Variants in ATRX observed in about 807,000 individuals in gnomAD.
ATRX encodes chromatin remodeler ATRX.
In ATRX, 12 loss-of-function variants were observed where a neutral mutation model predicts 172.6. That is an observed-to-expected ratio of 0.07 (90% CI 0.04 to 0.11). The LOEUF is 0.11. Ranked by LOEUF, ATRX falls within the 10% of genes least tolerant of loss-of-function variation. The pLI, the probability that ATRX is intolerant of heterozygous loss-of-function variation, is 1.00. For synonymous variants in ATRX, 674 were observed against 594.7 expected (o/e 1.13, Z -1.94); for missense variants, 1,368 against 1,767.4 (o/e 0.77, Z 4.05).
rs1396127570 is a variant in ATRX at position 77,766,427 on chromosome X, G to T, written c.20+19555C>A. On this transcript the variant is annotated intron_variant, in intron 1 of 34. Coordinates refer to ENST00000373344, the MANE Select transcript of ATRX (RefSeq NM_000489.6). ...GAGGGGCTCCTCACTTCTCAGACGGGGCGGCTGCCAGGCGGAGGGGCTCCT... is the reference window on the plus strand; with the variant it reads ...GAGGGGCTCCTCACTTCTCAGACGGTGCGGCTGCCAGGCGGAGGGGCTCCT... Among the ~76,000 whole-genome samples, 7 of 109,482 alleles carry T rather than the reference G, an allele frequency of 6.4e-5. No homozygotes were observed. In the South Asian group the frequency reaches 2.8e-3, roughly 44 times the overall value.
intron 2 of ATRX, among the ~76,000 whole-genome samples, chrX:77,713,626 T>C (rs986470155): frequency 3.6e-5 from 4 of 111,583 alleles, no homozygotes; most frequent in Non-Finnish European, 5.6e-5. Context: ...AGAATATTCA[T>C]GGAAAAAATT....
Position 77,716,110 on chromosome X carries a change from ATTTTTTTTTTTTTTTTTT to A in ATRX, c.133+1003_133+1020del, listed in dbSNP as rs199639051. On this transcript the variant is annotated intron_variant, in intron 2 of 34. Transcript: ENST00000373344. ...ACATAGCAAGACCATGTCTCTAAAA[ATTTTTTTTTTTTTTTTTT>A]TTTTTTTTTTTTTTTTTGAAATTAA... is the stretch of plus-strand genomic sequence containing the variant. Among the ~76,000 whole-genome samples the A allele has an allele frequency of 2.0e-4, 11 of 54,393 alleles. No homozygotes were observed. The East Asian group carries it at 3.2e-3, about 16-fold the overall frequency. The allele number at this position is 54,393 out of a possible 115,157, so 47.2% of individuals were successfully genotyped here.
At chrX:77,510,036 T>TTGAGG (rs2062819720) in intron 34 of ATRX, among the ~76,000 whole-genome samples, 1 of 110,526 alleles carries the variant, frequency 9.0e-6, no homozygotes, top group Non-Finnish European at 1.9e-5. Flanking sequence ...TTCCTTTTGC[T>TTGAGG]TGAGGTGAGG....
In ATRX at chrX:77,521,397, G is replaced by T; in HGVS notation, c.7071+6C>A. On this transcript the variant is annotated splice_donor_region_variant and intron_variant, in intron 33 of 34. Transcript: ENST00000373344. ...GTTGGAATAAGACAATTGCCAATTA[G>T]CTTACTACAGCTGAAATTATATCCT... The T allele has an allele frequency of 8.4e-7, 1 of 1,195,681 alleles. No homozygotes were observed. Among genetic ancestry groups the T allele is most frequent in the Admixed American group, 2.2e-5 (1 of 45,891 alleles).
At chrX:77,545,308 G>C (rs1322558361) in intron 30 of ATRX, among the ~76,000 whole-genome samples, 1 of 111,958 alleles carries the variant, frequency 8.9e-6, no homozygotes, top group Non-Finnish European at 1.9e-5. Context: ...CAACTCTGCA[G>C]AAACTATAGA....
At chrX:77,639,770 T>C (rs182866887) in intron 15 of ATRX, among the ~76,000 whole-genome samples, 2 of 112,023 alleles carry the variant, frequency 1.8e-5, no homozygotes, top group East Asian at 5.6e-4. Context: ...AGTGACTAAG[T>C]AGATGTGTTT....
rs2148635383 is a variant in ATRX at position 77,684,367 on chromosome X, T to C, written c.889A>G (p.Lys297Glu). 8.3e-7 allele frequency: 1 copy of C among 1,210,233 alleles called. No homozygotes were observed. Among genetic ancestry groups the C allele is most frequent in the Non-Finnish European group, 1.1e-6 (1 of 893,931 alleles). ...LEQLLQQNKKKIKVDSEKSNK... is the reference protein window; with the variant it reads ...LEQLLQQNKKEIKVDSEKSNK... ...CTCTTTTCACTGTCAACTTTTATCTTCTTCTTATTTTGCTGCAACAACTGT... is the reference window on the plus strand; with the variant it reads ...CTCTTTTCACTGTCAACTTTTATCTCCTTCTTATTTTGCTGCAACAACTGT... Residue 297 changes from lysine (K) to glutamate (E), a missense_variant, in exon 9 of 35, where the codon AAG becomes GAG. Transcript: ENST00000373344.
intron 1 of ATRX, among the ~76,000 whole-genome samples, chrX:77,754,784 A>C: frequency 9.1e-6 from 1 of 110,465 alleles, no homozygotes; most frequent in African/African-American, 3.3e-5. Context: ...CTTCATTTCA[A>C]CCTTGGAGAA....
chrX:77,515,050 C>G (rs782097761), intron 34 of ATRX, among the ~76,000 whole-genome samples: 4 of 111,505 alleles, frequency 3.6e-5, no homozygotes, highest in Non-Finnish European at 7.5e-5. Context: ...AAATCAAAAC[C>G]ACAATGAGAT....
chrX:77,672,997 T>C (rs2070702541), intron 10 of ATRX, among the ~76,000 whole-genome samples: 2 of 111,691 alleles, frequency 1.8e-5, no homozygotes, highest in African/African-American at 6.5e-5. Context: ...TCTTCAGTGA[T>C]TGTTCAGTAT....
At chrX:77,754,036 T>C (rs1244551154) in intron 1 of ATRX, among the ~76,000 whole-genome samples, 4 of 112,155 alleles carry the variant, frequency 3.6e-5, no homozygotes, top group African/African-American at 1.3e-4. Context: ...ATTGGAAGCA[T>C]ATACATTTAA....
At chrX:77,548,169 G>C (rs949225612) in intron 30 of ATRX, among the ~76,000 whole-genome samples, 2 of 111,327 alleles carry the variant, frequency 1.8e-5, no homozygotes, top group Admixed American at 1.9e-4. Flanking sequence ...AGTTATTTAG[G>C]AGAGGGCTTA....
intron 1 of ATRX, among the ~76,000 whole-genome samples, chrX:77,735,150 C>A (rs1387374630): frequency 9.0e-6 from 1 of 111,292 alleles, no homozygotes; most frequent in Non-Finnish European, 1.9e-5. Flanking sequence ...AACTGGATAT[C>A]CATATACAGA....
chrX:77,716,109 AATTTTTTT>A, intron 2 of ATRX, among the ~76,000 whole-genome samples: 1 of 67,935 alleles, frequency 1.5e-5, no homozygotes, highest in Middle Eastern at 8.3e-3. Context: ...TGTCTCTAAA[AATTTTTTT>A]TTTTTTTTTT....
intron 1 of ATRX, chrX:77,727,885 GAGA>G (rs782496446): frequency 1.8e-5 from 2 of 111,750 alleles, no homozygotes; most frequent in African/African-American, 3.2e-5. Flanking sequence ...TTATAAACCA[GAGA>G]AGAAGTCTGA....
At chrX:77,672,216 A>G (rs574076904) in intron 10 of ATRX, among the ~76,000 whole-genome samples, 3 of 111,259 alleles carry the variant, frequency 2.7e-5, no homozygotes, top group African/African-American at 9.8e-5. Context: ...AACGAAACAG[A>G]ACTACCACAA....
intron 9 of ATRX, 70 bp downstream of exon 9, chrX:77,681,450 G>A (rs2148564762): frequency 2.9e-6 from 3 of 1,041,763 alleles, no homozygotes; most frequent in Non-Finnish European, 4.0e-6. Flanking sequence ...AGCTTCAGAG[G>A]AAATTAAACA....
Position 77,505,647 on chromosome X carries a change from T to C in ATRX, c.*2704A>G, listed in dbSNP as rs1285349757. The C allele has an allele frequency of 1.7e-5, 3 of 171,894 alleles. No homozygotes were observed. Among genetic ancestry groups the C allele is most frequent in the African/African-American group, 8.9e-5 (3 of 33,841 alleles). 14.2% of individuals were successfully genotyped at this position (171,894 alleles called of 1,213,427 possible). ...CCATTATATAGGACAACAAAAGCTA[T>C]ACATTTTCTATGAAACAGTATGTGC... On this transcript the variant is annotated 3_prime_UTR_variant, in exon 35 of 35. Transcript: ENST00000373344.
chrX:77,735,839 T>TAA (rs1868280411), intron 1 of ATRX, among the ~76,000 whole-genome samples: 1 of 56,927 alleles, frequency 1.8e-5, no homozygotes, highest in East Asian at 5.4e-4. Context: ...TAAATAAAAA[T>TAA]AAATAAATAC....
Sources: allele counts gnomAD v4.1 joint callset (sites outside exome capture counted in the v4.1 genomes callset), GRCh38; gene constraint gnomAD v4.1.1; transcripts MANE v1.5; gene names NCBI Gene and HGNC (gene_info 2026-07-23, HGNC 2026-07-21).